Variants in JPH3 observed in about 807,000 individuals in gnomAD.
JPH3 encodes junctophilin 3.
In JPH3, 11 loss-of-function variants were observed where a neutral mutation model predicts 59.6. The observed-to-expected ratio is 0.18, with a 90% CI of 0.12 to 0.31. JPH3 has a LOEUF of 0.31. Among genes scored for constraint, JPH3 ranks in the 10% least tolerant of loss-of-function variants. The pLI is 1.00. For synonymous variants in JPH3, 673 were observed against 483.6 expected, an observed-to-expected ratio of 1.39 and a Z score of -5.14; for missense variants, 1,202 against 1,105.7, an observed-to-expected ratio of 1.09 and a Z score of -1.24.
At chr16:87,649,127 CAG>C (rs992857285) in intron 2 of JPH3, among the ~76,000 whole-genome samples, 84 of 152,284 alleles carry the variant, frequency 5.5e-4, no homozygotes, top group African/African-American at 2.0e-3. Context: ...CCCTCTGCTG[CAG>C]AGAGGGGCGG....
rs1268988115 is a variant in JPH3 at position 87,689,734 on chromosome 16, C to T, written c.1374C>T (p.Pro458=). Residue 458 remains proline (P), a synonymous_variant, in exon 4 of 5, where the codon CCC becomes CCT. Transcript: ENST00000284262. ...GGACACCCCTGCAGCAGGAGAGCCC[C>T]GAGCTGTACCGCAAGGGCACCACTC... ...STGTPLQQES[P]ELYRKGTTPS... The T allele has an allele frequency of 5.6e-6, 9 of 1,612,452 alleles. No homozygotes were observed. Among genetic ancestry groups the T allele is most frequent in the East Asian group, 2.2e-5 (1 of 44,852 alleles).
At chr16:87,661,859 T>G (rs890784473) in intron 2 of JPH3, among the ~76,000 whole-genome samples, 3 of 152,234 alleles carry the variant, frequency 2.0e-5, no homozygotes, top group Admixed American at 1.3e-4. Flanking sequence ...GCCAGGGCCT[T>G]GGCCCCCAGC....
chr16:87,675,454 T>C (rs1297938250), intron 2 of JPH3, among the ~76,000 whole-genome samples: 1 of 152,108 alleles, frequency 6.6e-6, no homozygotes, highest in African/African-American at 2.4e-5. Flanking sequence ...CCTGCACATA[T>C]CCAGCATGTG....
intron 1 of JPH3, among the ~76,000 whole-genome samples, chr16:87,603,833 G>A (rs113103671): frequency 1.3e-5 from 2 of 152,238 alleles, no homozygotes; most frequent in Non-Finnish European, 1.5e-5. Context: ...GGAAGGGCCA[G>A]GCTGGGCCCG....
At chr16:87,603,653 C>T (rs1057287590) in intron 1 of JPH3, 125 bp downstream of exon 1, 1 of 1,233,046 alleles carries the variant, frequency 8.1e-7, no homozygotes. Flanking sequence ...AGGGGCCTTT[C>T]CCGGGCTTCC....
At chr16:87,644,019 TC>T (rs1252490450) in intron 1 of JPH3, among the ~76,000 whole-genome samples, 2 of 152,210 alleles carry the variant, frequency 1.3e-5, no homozygotes, top group Non-Finnish European at 2.9e-5. Flanking sequence ...ACGCCTGTAG[TC>T]CCAGCTGCGC....
intron 2 of JPH3, among the ~76,000 whole-genome samples, chr16:87,649,069 G>C (rs2032246250): frequency 1.3e-5 from 2 of 152,244 alleles, no homozygotes; most frequent in Admixed American, 6.5e-5. Flanking sequence ...CAGTGGAGAC[G>C]AGGGAGGGGT....
intron 1 of JPH3, among the ~76,000 whole-genome samples, chr16:87,609,189 C>CT (rs2030641238): frequency 6.6e-6 from 1 of 152,268 alleles, no homozygotes; most frequent in African/African-American, 2.4e-5. Flanking sequence ...GTAACATCCT[C>CT]TGCTGGTCAA....
At chr16:87,635,040 C>A (rs75338644) in intron 1 of JPH3, among the ~76,000 whole-genome samples, 1 of 152,218 alleles carries the variant, frequency 6.6e-6, no homozygotes, top group African/African-American at 2.4e-5. Context: ...TTTCCCTCCA[C>A]TGGACTCTGG....
At chr16:87,644,174 G>C in intron 1 of JPH3, 84 bp from the exon 2 acceptor site, 1 of 1,384,718 alleles carries the variant, frequency 7.2e-7, no homozygotes, top group South Asian at 1.4e-5. Context: ...AGACAGGACT[G>C]TGGCTGCTTC....
At chr16:87,657,402 C>T (rs935676060) in intron 2 of JPH3, among the ~76,000 whole-genome samples, 3 of 152,012 alleles carry the variant, frequency 2.0e-5, no homozygotes, top group Non-Finnish European at 2.9e-5. Context: ...GGGGTGGGAA[C>T]AACGGGGAGT....
chr16:87,695,222 C>G (rs1197123899), intron 4 of JPH3: 5 of 434,794 alleles, frequency 1.1e-5, no homozygotes, highest in Admixed American at 2.4e-5. Context: ...CAGCCCTCAC[C>G]TGGTGCCACA....
chr16:87,668,553 A>G (rs753744817), intron 2 of JPH3, among the ~76,000 whole-genome samples: 1 of 152,152 alleles, frequency 6.6e-6, no homozygotes, highest in East Asian at 1.9e-4. Context: ...TTCCTCTTCT[A>G]TAAATGGGAG....
intron 2 of JPH3, among the ~76,000 whole-genome samples, chr16:87,666,456 G>A (rs1342717024): frequency 6.6e-6 from 1 of 151,772 alleles, no homozygotes; most frequent in Non-Finnish European, 1.5e-5. Context: ...CAGTGGCGCA[G>A]TCATGGCTCA....
Position 87,690,091 on chromosome 16 carries a change from G to A in JPH3, c.1731G>A (p.Glu577=), listed in dbSNP as rs755603959. 1.2e-5 allele frequency: 19 copies of A among 1,568,332 alleles called. No homozygotes were observed. The highest frequency in any genetic ancestry group is 1.6e-5 in the Non-Finnish European group (19 of 1,157,626). The change falls in exon 4 of 5, where the codon GAG becomes GAA. Residue 577 remains glutamate (E), a synonymous_variant. Coordinates refer to ENST00000284262, the MANE Select transcript of JPH3 (RefSeq NM_020655.4). ...GNPKPRERRT[E]SPPVFTWTSH... is the part of the protein sequence containing the mutation. ...CCAAGCCGCGGGAGCGGCGGACGGA[G>A]TCACCCCCCGTGTTCACGTGGACTT...
chr16:87,617,813 T>C (rs574878198), intron 1 of JPH3, among the ~76,000 whole-genome samples: 29 of 150,634 alleles, frequency 1.9e-4, no homozygotes, highest in African/African-American at 6.8e-4. Context: ...ATGGTGGGGA[T>C]GGTGTGTCTG....
At chr16:87,630,088 G>A (rs2031516254) in intron 1 of JPH3, among the ~76,000 whole-genome samples, 1 of 152,204 alleles carries the variant, frequency 6.6e-6, no homozygotes, top group Admixed American at 6.5e-5. Context: ...CAGTTGGGGC[G>A]TGGCTGCTCC....
chr16:87,642,616 C>T (rs186640160), intron 1 of JPH3, among the ~76,000 whole-genome samples: 60 of 152,350 alleles, frequency 3.9e-4, no homozygotes, highest in South Asian at 6.2e-4. Flanking sequence ...CTGTTCTCCC[C>T]GCAAAAGCCC....
rs1198480243 is a variant in JPH3 at position 87,644,934 on chromosome 16, C to G, written c.1059C>G (p.Pro353=). 3 of 1,612,420 alleles carry G rather than the reference C, an allele frequency of 1.9e-6. No homozygotes were observed. Among genetic ancestry groups the G allele is most frequent in the African/African-American group, 1.3e-5 (1 of 74,912 alleles). The change falls in exon 2 of 5, where the codon CCC becomes CCG. Residue 353 remains proline, a synonymous_variant. Transcript: ENST00000284262. Reference sequence around the variant, plus strand: ...GCGGCAAGCGCAAGAACCTCATCCCCCTGCGGGCCAGCAAGATCCGCGAGA... The same window carrying G: ...GCGGCAAGCGCAAGAACCTCATCCCGCTGCGGGCCAGCAAGATCCGCGAGA... The part of the protein sequence containing the change: ...LVGGKRKNLI[P]LRASKIREKV...
Sources: allele counts gnomAD v4.1 joint callset (sites outside exome capture counted in the v4.1 genomes callset), GRCh38; gene constraint gnomAD v4.1.1; transcripts MANE v1.5; gene names NCBI Gene and HGNC (gene_info 2026-07-23, HGNC 2026-07-21).